The following IMMP2L variants were observed in gnomAD, a reference collection of about 807,000 sequenced individuals.
IMMP2L encodes the protein inner mitochondrial membrane peptidase subunit 2.
Under a neutral mutation model 19.3 loss-of-function variants are expected in IMMP2L, and 18 were observed. The ratio of observed to expected loss-of-function variants is 0.93; its 90% CI spans 0.64 to 1.38. The LOEUF (loss-of-function observed/expected upper bound fraction) is 1.38. Ranked by LOEUF, IMMP2L falls within the 40% of genes most tolerant of loss-of-function variation. The probability of loss-of-function intolerance (pLI) is 0.00; values close to 1 mark genes in which losing one functional copy is unlikely to be tolerated. For synonymous variants in IMMP2L, 76 were observed against 73.0 expected, an observed-to-expected ratio of 1.04 and a Z score of -0.21; for missense variants, 233 against 218.2, an observed-to-expected ratio of 1.07 and a Z score of -0.43.
At chr7:111,138,281 G>C (rs1353854090) in intron 3 of IMMP2L, among the ~76,000 whole-genome samples, 1 of 152,156 alleles carries the variant, frequency 6.6e-6, no homozygotes, top group Non-Finnish European at 1.5e-5. Flanking sequence ...GGTCCCTTTA[G>C]CTAAAGCTTT....
intron 5 of IMMP2L, 118 bp downstream of exon 5, chr7:110,886,475 T>C (rs1810230907): frequency 1.6e-6 from 1 of 635,288 alleles, no homozygotes; most frequent in Non-Finnish European, 2.9e-6. Flanking sequence ...ACATAAACTA[T>C]TCCAGTATAA....
At chr7:111,414,505 T>A (rs796474368) in intron 3 of IMMP2L, among the ~76,000 whole-genome samples, 54 of 151,228 alleles carry the variant, frequency 3.6e-4, no homozygotes, top group African/African-American at 1.3e-3. Context: ...GTAGTAGGAG[T>A]AATGGGCAGG....
chr7:111,194,080 A>G (rs567308839), intron 3 of IMMP2L, among the ~76,000 whole-genome samples: 19 of 152,270 alleles, frequency 1.2e-4, no homozygotes, highest in African/African-American at 4.6e-4. Flanking sequence ...GCCTGGTCAT[A>G]TGGCACAAAG....
intron 5 of IMMP2L, among the ~76,000 whole-genome samples, chr7:110,725,025 G>A (rs371019206): frequency 2.0e-5 from 3 of 152,280 alleles, no homozygotes; most frequent in Middle Eastern, 6.8e-3. Flanking sequence ...GCTTTAAGTC[G>A]CTTGGGATAG....
At chr7:111,536,613 A>G (rs1054164804) in intron 1 of IMMP2L, among the ~76,000 whole-genome samples, 2 of 152,100 alleles carry the variant, frequency 1.3e-5, no homozygotes, top group African/African-American at 4.8e-5. Flanking sequence ...CGCCTAAAAT[A>G]TTGTTTTAAA....
rs563917143 is a variant in IMMP2L at position 110,759,805 on chromosome 7, G to C, written c.409-96084C>G. ...TTATAGCTTCAATAATTTCAAATAA[G>C]AGAGGATACAAATGAATTGAGTTTA... On this transcript the variant is annotated intron_variant, in intron 5 of 5. Coordinates refer to ENST00000405709, the MANE Select transcript of IMMP2L (RefSeq NM_032549.4). 2.6e-5 allele frequency among the ~76,000 whole-genome samples: 4 copies of C among 152,214 alleles called. No homozygotes were observed. The South Asian group carries it at 8.3e-4, about 32-fold the overall frequency.
At chr7:111,017,859 T>A (rs1424956333) in intron 3 of IMMP2L, among the ~76,000 whole-genome samples, 2 of 152,164 alleles carry the variant, frequency 1.3e-5, no homozygotes, top group Non-Finnish European at 2.9e-5. Context: ...AAAATACCCA[T>A]TCAGCAGAAA....
chr7:110,669,110 G>C (rs528754257), intron 5 of IMMP2L, among the ~76,000 whole-genome samples: 2 of 147,540 alleles, frequency 1.4e-5, no homozygotes, highest in Admixed American at 1.3e-4. Context: ...TATATATATA[G>C]AGAGAGAGAG....
At chr7:110,693,968 G>C (rs28430531) in intron 5 of IMMP2L, among the ~76,000 whole-genome samples, 5,313 of 152,118 alleles carry the variant, frequency 0.035, 193 homozygotes, top group African/African-American at 0.092. Flanking sequence ...TCCCTTCTTG[G>C]GGAACAGAGG....
At chr7:111,338,761 T>C (rs1233536750) in intron 3 of IMMP2L, among the ~76,000 whole-genome samples, 1 of 152,114 alleles carries the variant, frequency 6.6e-6, no homozygotes, top group East Asian at 1.9e-4. Flanking sequence ...GTAATTTTTA[T>C]CCATTAATGA....
intron 3 of IMMP2L, among the ~76,000 whole-genome samples, chr7:111,467,597 C>T (rs370370364): frequency 5.3e-5 from 8 of 152,120 alleles, no homozygotes; most frequent in South Asian, 4.1e-4. Flanking sequence ...ATTACAGAGA[C>T]GGTAAGGTTA....
At position 111,281,192 on chromosome 7, in the gene IMMP2L, A is replaced by AAG. The variant is rs1156944825; in HGVS notation, c.239+206044_239+206045dup. Among the ~76,000 whole-genome samples the AAG allele has an allele frequency of 4.4e-3, 250 of 57,394 alleles. 10 individuals carry two copies. The highest frequency in any genetic ancestry group is 0.016 in the African/African-American group (239 of 14,622). The allele number at this position is 57,394 out of a possible 152,430, so 37.7% of individuals were successfully genotyped here. On this transcript the variant is annotated intron_variant, in intron 3 of 5. Transcript: ENST00000405709. ...AAAGAAAGAAAGAAAGAAAGAAAGA[A>AAG]AGAAAGAAAGAAAGAAAGAAAGAAA... is the stretch of plus-strand genomic sequence containing the variant.
At chr7:111,010,671 G>A (rs951940096) in intron 3 of IMMP2L, among the ~76,000 whole-genome samples, 1 of 152,090 alleles carries the variant, frequency 6.6e-6, no homozygotes, top group Non-Finnish European at 1.5e-5. Context: ...GGGGTTTGTG[G>A]ACATTTGATG....
chr7:110,912,190 T>C (rs1054427936), intron 4 of IMMP2L, among the ~76,000 whole-genome samples: 2 of 152,110 alleles, frequency 1.3e-5, no homozygotes, highest in African/African-American at 2.4e-5. Flanking sequence ...TATCTCCCCA[T>C]TGCCCTTTTT....
chr7:110,882,356 C>CCTCT (rs370206224), intron 5 of IMMP2L, among the ~76,000 whole-genome samples: 13 of 124,908 alleles, frequency 1.0e-4, no homozygotes, highest in Admixed American at 3.1e-4. Context: ...TTCCTCTCTC[C>CCTCT]CTCTCTCTCT....
chr7:111,399,187 A>G (rs1297042340), intron 3 of IMMP2L, among the ~76,000 whole-genome samples: 2 of 152,140 alleles, frequency 1.3e-5, no homozygotes, highest in Admixed American at 1.3e-4. Context: ...AAGACTAAGC[A>G]AAAAGAACAA....
At chr7:111,207,963 T>C (rs1289339200) in intron 3 of IMMP2L, among the ~76,000 whole-genome samples, 2 of 152,190 alleles carry the variant, frequency 1.3e-5, no homozygotes, top group African/African-American at 4.8e-5. Context: ...CTGTACCCTA[T>C]CATTATATTG....
chr7:111,048,897 A>G (rs1792713945), intron 3 of IMMP2L, among the ~76,000 whole-genome samples: 1 of 152,070 alleles, frequency 6.6e-6, no homozygotes, highest in African/African-American at 2.4e-5. Flanking sequence ...CTCAGAAGAG[A>G]TTCTGACATA....
chr7:111,005,197 C>G (rs1178008928), intron 3 of IMMP2L, among the ~76,000 whole-genome samples: 1 of 152,118 alleles, frequency 6.6e-6, no homozygotes. Flanking sequence ...AAGATTCCCC[C>G]CTGCCTTATT....
Sources: allele counts gnomAD v4.1 joint callset (sites outside exome capture counted in the v4.1 genomes callset), GRCh38; gene constraint gnomAD v4.1.1; transcripts MANE v1.5; gene names NCBI Gene and HGNC (gene_info 2026-07-23, HGNC 2026-07-21).